Variants in SLC8A3 observed in about 807,000 individuals in gnomAD.
SLC8A3 encodes the protein solute carrier family 8 member A3.
SLC8A3 carries 37 observed loss-of-function variants against 65.4 expected under a neutral mutation model. The ratio of observed to expected loss-of-function variants is 0.57; its 90% CI spans 0.44 to 0.74. The LOEUF (loss-of-function observed/expected upper bound fraction) is 0.74. SLC8A3 is among the 30% of genes least tolerant of loss of function. The probability of loss-of-function intolerance (pLI) is 0.00; values close to 1 mark genes in which losing one functional copy is unlikely to be tolerated. For missense variants in SLC8A3, 1,112 were observed against 1,172.1 expected, an observed-to-expected ratio of 0.95 and a Z score of 0.75; for synonymous variants, 461 against 444.5, an observed-to-expected ratio of 1.04 and a Z score of -0.47.
intron 2 of SLC8A3, among the ~76,000 whole-genome samples, chr14:70,148,585 G>C (rs960202010): frequency 3.9e-5 from 6 of 152,270 alleles, no homozygotes; most frequent in African/African-American, 1.4e-4. Flanking sequence ...ATCTCCTTCT[G>C]CTCAGGAAAC....
intron 2 of SLC8A3, among the ~76,000 whole-genome samples, chr14:70,160,745 G>C (rs186503517): frequency 1.4e-3 from 215 of 152,078 alleles, no homozygotes; most frequent in Non-Finnish European, 2.5e-3. Flanking sequence ...GGAGGGCTCT[G>C]GACTTCCTGG....
intron 2 of SLC8A3, among the ~76,000 whole-genome samples, chr14:70,117,475 C>T (rs958421020): frequency 6.6e-6 from 1 of 152,244 alleles, no homozygotes; most frequent in Non-Finnish European, 1.5e-5. Flanking sequence ...CTCCTTCATG[C>T]AAATCTTCAT....
chr14:70,163,093 C>A (rs1482333045), intron 2 of SLC8A3, among the ~76,000 whole-genome samples: 1 of 152,222 alleles, frequency 6.6e-6, no homozygotes, highest in Non-Finnish European at 1.5e-5. Flanking sequence ...AACCCCAGTG[C>A]CTAGTAATGT....
At chr14:70,106,685 T>A (rs1440424066) in intron 2 of SLC8A3, among the ~76,000 whole-genome samples, 2 of 152,160 alleles carry the variant, frequency 1.3e-5, no homozygotes, top group Admixed American at 6.5e-5. Context: ...TGGAAGAAGA[T>A]CTCAGAGTTG....
chr14:70,120,693 A>T (rs1893996537), intron 2 of SLC8A3, among the ~76,000 whole-genome samples: 3 of 152,356 alleles, frequency 2.0e-5, no homozygotes, highest in South Asian at 4.1e-4. Flanking sequence ...TGGCCAAGCC[A>T]CACAATGTCT....
intron 5 of SLC8A3, 95 bp from the exon 6 acceptor site, chr14:70,049,137 G>A (rs975373486): frequency 9.9e-6 from 12 of 1,215,950 alleles, no homozygotes; most frequent in African/African-American, 6.0e-5. Flanking sequence ...GGCATCATCC[G>A]CTAGAAGGGG....
intron 1 of SLC8A3, among the ~76,000 whole-genome samples, chr14:70,179,087 G>A (rs1197096522): frequency 6.6e-6 from 1 of 152,152 alleles, no homozygotes; most frequent in Non-Finnish European, 1.5e-5. Context: ...GCAAGCATGT[G>A]TCTTAGGACT....
At chr14:70,159,046 C>T (rs1287027579) in intron 2 of SLC8A3, among the ~76,000 whole-genome samples, 2 of 152,218 alleles carry the variant, frequency 1.3e-5, no homozygotes, top group Non-Finnish European at 2.9e-5. Context: ...ATGTCACTGG[C>T]TCTATGCCAG....
At chr14:70,063,531 C>A (rs893141735) in intron 2 of SLC8A3, among the ~76,000 whole-genome samples, 1 of 152,190 alleles carries the variant, frequency 6.6e-6, no homozygotes, top group Non-Finnish European at 1.5e-5. Context: ...TTGGCTCTTT[C>A]TTTCCCCATA....
chr14:70,172,558 G>A (rs1897615066), intron 1 of SLC8A3, among the ~76,000 whole-genome samples: 1 of 152,068 alleles, frequency 6.6e-6, no homozygotes, highest in Non-Finnish European at 1.5e-5. Flanking sequence ...GCTTACTGGG[G>A]TTGTTCTGGC....
intron 2 of SLC8A3, among the ~76,000 whole-genome samples, chr14:70,086,860 G>A (rs1283288501): frequency 6.6e-6 from 1 of 152,144 alleles, no homozygotes; most frequent in African/African-American, 2.4e-5. Context: ...TCTGCTCTGG[G>A]AATGTGTTTG....
rs547206151 is a variant in SLC8A3 at position 70,068,006 on chromosome 14, C to T, written c.1785-7067G>A. Among the ~76,000 whole-genome samples, 20 of 152,348 alleles carry T rather than the reference C, an allele frequency of 1.3e-4. No individual in the cohort carries two copies. In the South Asian group the frequency reaches 4.1e-3, roughly 32 times the overall value. On this transcript the variant is annotated intron_variant, in intron 2 of 6. Transcript: ENST00000356921. ...CTGCCAAGGGAGGTGCCAATGCACACAGCGTTCCCAGAACAGACCTGGCTG... is the reference window on the plus strand; with the variant it reads ...CTGCCAAGGGAGGTGCCAATGCACATAGCGTTCCCAGAACAGACCTGGCTG...
At chr14:70,058,960 T>C (rs1244045325) in intron 3 of SLC8A3, 1 of 152,156 alleles carries the variant, frequency 6.6e-6, no homozygotes, top group African/African-American at 2.4e-5. Flanking sequence ...GGGAATGAGG[T>C]AGGGCAGGTG....
chr14:70,126,697 T>C (rs546749808), intron 2 of SLC8A3, among the ~76,000 whole-genome samples: 2 of 151,938 alleles, frequency 1.3e-5, no homozygotes, highest in African/African-American at 4.8e-5. Context: ...CCCAGCTAGG[T>C]CTCTTTGACC....
In SLC8A3 at chr14:70,052,004, A is replaced by G; in HGVS notation, c.1999T>C (p.Ser667Pro). ...HPKLEVIIEE[S>P]YEFKTTVDKL... is the part of the protein sequence containing the mutation. The stretch of plus-strand genomic sequence containing the variant: ...GTTTGCCTGACCTTGAACTCATAGG[A>G]CTCTTCAATGATGACTTCTAGTTTG... Residue 667 changes from serine to proline, a missense_variant, in exon 4 of 7, where the codon TCC becomes CCC. Coordinates refer to ENST00000356921, the MANE Select transcript of SLC8A3 (RefSeq NM_182932.3). 1.9e-6 allele frequency: 3 copies of G among 1,613,278 alleles called. No individual in the cohort carries two copies. The highest frequency in any genetic ancestry group is 1.7e-6 in the Non-Finnish European group (2 of 1,179,710).
chr14:70,103,104 A>C (rs945532898), intron 2 of SLC8A3, among the ~76,000 whole-genome samples: 3 of 152,114 alleles, frequency 2.0e-5, no homozygotes, highest in African/African-American at 7.2e-5. Flanking sequence ...GCAAATAATC[A>C]ATGACTTTTC....
chr14:70,133,281 T>G (rs1356052346), intron 2 of SLC8A3, among the ~76,000 whole-genome samples: 1 of 152,124 alleles, frequency 6.6e-6, no homozygotes, highest in Non-Finnish European at 1.5e-5. Flanking sequence ...CTCTCTCTTG[T>G]GCTTACAGTT....
At chr14:70,057,097 T>A (rs146830926) in intron 3 of SLC8A3, among the ~76,000 whole-genome samples, 39 of 152,280 alleles carry the variant, frequency 2.6e-4, no homozygotes, top group Admixed American at 2.0e-3. Context: ...CCTAAGAATC[T>A]GTAGGAATGC....
At chr14:70,158,653 GT>G (rs1248290357) in intron 2 of SLC8A3, among the ~76,000 whole-genome samples, 1 of 152,198 alleles carries the variant, frequency 6.6e-6, no homozygotes, top group Admixed American at 6.5e-5. Context: ...TTGCACCTAT[GT>G]ATGTTAATCC....
Sources: gnomAD v4.1 joint callset for allele counts (sites outside exome capture counted in the v4.1 genomes callset) on GRCh38, gnomAD v4.1.1 for gene constraint, MANE v1.5 for transcripts, NCBI Gene and HGNC (gene_info 2026-07-23, HGNC 2026-07-21) for gene names.